The following PLEKHH1 variants were observed in gnomAD, a reference collection of about 807,000 sequenced individuals.
The protein encoded by PLEKHH1 is pleckstrin homology, MyTH4 and FERM domain containing H1.
In PLEKHH1, 104 loss-of-function variants were observed where a neutral mutation model predicts 160.0. The ratio of observed to expected loss-of-function variants is 0.65; its 90% CI spans 0.55 to 0.76. The LOEUF (loss-of-function observed/expected upper bound fraction) is 0.76. Ranked by LOEUF, PLEKHH1 falls within the 30% of genes least tolerant of loss-of-function variation. The pLI is 0.00. For synonymous variants in PLEKHH1, 619 were observed against 678.4 expected (o/e 0.91, Z 1.36); for missense variants, 1,427 against 1,724.1 (o/e 0.83, Z 3.05).
intron 2 of PLEKHH1, 84 bp downstream of exon 2, chr14:67,542,077 G>A: frequency 7.8e-7 from 1 of 1,285,604 alleles, no homozygotes; most frequent in East Asian, 2.7e-5. Flanking sequence ...GAGAGTTGCG[G>A]AAAGTCAACT....
In PLEKHH1 at chr14:67,562,609, GT is replaced by G. The variant is rs1224678901; in HGVS notation, c.980del (p.Leu327TrpfsTer20). 6.2e-7 allele frequency: 1 copy of G among 1,612,930 alleles called. No homozygotes were observed. Reference sequence around the variant, plus strand: ...CTGGCACCCCGCGGGACAGCATCCAGTTGGCCAAAAGGCACCACAGCCAGCC... The same window carrying G: ...CTGGCACCCCGCGGGACAGCATCCAGTGGCCAAAAGGCACCACAGCCAGCC... ...APGTPRDSIQ[L>X]AKRHHSQPQV... On this transcript the variant is annotated frameshift_variant, in exon 7 of 29. Transcript: ENST00000329153. LOFTEE classifies it high-confidence loss of function.
At chr14:67,586,268 A>C (rs2036157252) in intron 28 of PLEKHH1, 171 bp downstream of exon 28, 3 of 1,087,008 alleles carry the variant, frequency 2.8e-6, no homozygotes, top group Middle Eastern at 2.0e-4. Flanking sequence ...GCATCTCCGT[A>C]TCAATGTTCA....
chr14:67,539,463 T>C, intron 1 of PLEKHH1, among the ~76,000 whole-genome samples: 1 of 152,176 alleles, frequency 6.6e-6, no homozygotes, highest in Non-Finnish European at 1.5e-5. Context: ...TTGTTGGGCC[T>C]TTCTCTGCAG....
Position 67,587,482 on chromosome 14 carries a change from C to A in PLEKHH1, c.*247C>A. The A allele has an allele frequency of 1.9e-6, 1 of 526,644 alleles. No homozygotes were observed. The highest frequency in any genetic ancestry group is 3.2e-5 in the Admixed American group (1 of 31,298). The allele number at this position is 526,644 out of a possible 1,614,324, so 32.6% of individuals were successfully genotyped here. The stretch of plus-strand genomic sequence containing the variant: ...CCTTTTTTCATAAGAATAATGACTC[C>A]AGATGCTACCTGATTCTAGACATAG... On this transcript the variant is annotated 3_prime_UTR_variant, in exon 29 of 29. Transcript: ENST00000329153.
Position 67,569,205 on chromosome 14 carries a change from C to T in PLEKHH1, c.1331C>T (p.Thr444Ile). 1 of 1,610,700 alleles carries T rather than the reference C, an allele frequency of 6.2e-7. No individual in the cohort carries two copies. The stretch of plus-strand genomic sequence containing the variant: ...TCAGATATGTCTCCCAGAAGTAATA[C>T]TGCATGCTGCGGTGAGTTCCAAGTG... The part of the protein sequence containing the change: ...RLSDMSPRSN[T>I]ACCASSPPAL... The change falls in exon 8 of 29, where the codon ACT becomes ATT. Residue 444 changes from threonine to isoleucine, a missense_variant. Transcript: ENST00000329153.
chr14:67,557,005 T>C (rs1448491078), intron 3 of PLEKHH1, among the ~76,000 whole-genome samples: 10 of 152,228 alleles, frequency 6.6e-5, no homozygotes, highest in Non-Finnish European at 4.4e-5. Flanking sequence ...CTTTTTCCAC[T>C]TATCGTCTCC....
Position 67,573,407 on chromosome 14 carries a change from C to A in PLEKHH1, c.1839+21C>A. On this transcript the variant is annotated intron_variant, in intron 12 of 28. Transcript: ENST00000329153. This position sits in a 1 kb window ranked among gnomAD's most constrained non-coding sequence, Gnocchi z 4.8. ...CCCCGGTGAGAGTCTCCCCGCCCAGCACTGCAGTCAAAAGGTCTCCACATC... is the reference window on the plus strand; with the variant it reads ...CCCCGGTGAGAGTCTCCCCGCCCAGAACTGCAGTCAAAAGGTCTCCACATC... The A allele has an allele frequency of 1.4e-6, 2 of 1,399,370 alleles. No individual in the cohort carries two copies. The highest frequency in any genetic ancestry group is 2.0e-6 in the Non-Finnish European group (2 of 984,544). 86.7% of individuals were successfully genotyped at this position (1,399,370 alleles called of 1,614,324 possible).
At chr14:67,567,629 G>A (rs2035169823) in intron 7 of PLEKHH1, among the ~76,000 whole-genome samples, 1 of 152,042 alleles carries the variant, frequency 6.6e-6, no homozygotes, top group Admixed American at 6.5e-5. Flanking sequence ...CCCCTCCAGT[G>A]ATCTCAGCGT....
chr14:67,577,783 GA>G (rs1184059564), intron 18 of PLEKHH1, among the ~76,000 whole-genome samples: 4 of 152,086 alleles, frequency 2.6e-5, no homozygotes, highest in Non-Finnish European at 4.4e-5. Context: ...TTTTTTTAAG[GA>G]ATTTGTCTTG....
chr14:67,588,054 A>T lies in PLEKHH1; in HGVS notation c.*819A>T, dbSNP rs767519612. ...AGACTCATTTTTCCCCATTATTGGT[A>T]TGTAGGCATTGGTACAGCCCCTTCT... On this transcript the variant is annotated 3_prime_UTR_variant, in exon 29 of 29. Transcript: ENST00000329153. The T allele has an allele frequency of 6.6e-6, 1 of 152,610 alleles. No individual in the cohort carries two copies. Among genetic ancestry groups the T allele is most frequent in the Non-Finnish European group, 1.5e-5 (1 of 68,052 alleles). The allele number at this position is 152,610 out of a possible 1,614,324, so 9.5% of individuals were successfully genotyped here.
Position 67,573,453 on chromosome 14 carries a change from T to C in PLEKHH1, c.1839+67T>C, listed in dbSNP as rs2035480576. On this transcript the variant is annotated intron_variant, in intron 12 of 28. Transcript: ENST00000329153. This position sits in a 1 kb window ranked among gnomAD's most constrained non-coding sequence, Gnocchi z 4.8. ...ACATCACACCCTGGACTATGTCAGA[T>C]GGGACGGAGGAGGGGGAATGTGGCC... 1.9e-6 allele frequency: 2 copies of C among 1,057,824 alleles called. No individual in the cohort carries two copies. The highest frequency in any genetic ancestry group is 3.1e-5 in the African/African-American group (2 of 64,426). 65.5% of individuals were successfully genotyped at this position (1,057,824 alleles called of 1,614,324 possible). A position where few individuals can be genotyped will look rare whatever the true frequency, so the allele number is the denominator to read the frequency against.
Position 67,557,337 on chromosome 14 carries a change from C to T in PLEKHH1, c.258C>T (p.His86=). Reference sequence around the variant, plus strand: ...ATGTGGACTCTGAGGGGAGCCTGCACCGGAAATACCAAGAATTGCTGAAAG... The same window carrying T: ...ATGTGGACTCTGAGGGGAGCCTGCATCGGAAATACCAAGAATTGCTGAAAG... The part of the protein sequence containing the change: ...LKNVDSEGSL[H]RKYQELLKAI... The change falls in exon 4 of 29, where the codon CAC becomes CAT. Residue 86 remains histidine, a synonymous_variant. Coordinates refer to ENST00000329153, the MANE Select transcript of PLEKHH1 (RefSeq NM_020715.3). 2 of 1,613,794 alleles carry T rather than the reference C, an allele frequency of 1.2e-6. No individual in the cohort carries two copies. The highest frequency in any genetic ancestry group is 1.1e-5 in the South Asian group (1 of 91,078).
chr14:67,579,283 C>A lies in PLEKHH1; in HGVS notation c.2999C>A (p.Pro1000His). ...PFHHSLPFSI[P>H]VHFTNGTYHV... is the part of the protein sequence containing the mutation. The stretch of plus-strand genomic sequence containing the variant: ...CACCACTCCTTGCCCTTCAGCATCC[C>A]CGTGCACTTTACCAACGGGACTTAC... The change falls in exon 21 of 29, where the codon CCC (proline) becomes CAC (histidine). Residue 1000 changes from proline (P) to histidine (H), a missense_variant. Pro to His is a moderately conservative substitution (Grantham distance 77). This residue lies in a region of PLEKHH1 where 436 missense variants were observed against 607.5 expected (regional missense o/e 0.72). Coordinates refer to ENST00000329153, the MANE Select transcript of PLEKHH1 (RefSeq NM_020715.3). 1 of 1,565,626 alleles carries A rather than the reference C, an allele frequency of 6.4e-7. No individual in the cohort carries two copies. The highest frequency in any genetic ancestry group is 2.3e-5 in the East Asian group (1 of 43,494).
At chr14:67,561,212 T>C (rs986835236) in intron 5 of PLEKHH1, among the ~76,000 whole-genome samples, 2 of 152,092 alleles carry the variant, frequency 1.3e-5, no homozygotes, top group Non-Finnish European at 2.9e-5. Context: ...GTCCCAACCC[T>C]TGCTAAAAGA....
chr14:67,555,836 G>A lies in PLEKHH1; in HGVS notation c.138G>A (p.Leu46=). Residue 46 remains leucine (L), a synonymous_variant, in exon 3 of 29, where the codon CTG becomes CTA. Coordinates refer to ENST00000329153, the MANE Select transcript of PLEKHH1 (RefSeq NM_020715.3). The part of the protein sequence containing the change: ...RELLADKMQE[L]EQRLLEAEQR... ...CTCTGGCCAAGCAGATGCAGGAGCT[G>A]GAGCAGAGGCTGCTGGAGGCAGAGC... 1.5e-5 allele frequency: 24 copies of A among 1,613,408 alleles called. No homozygotes were observed. Among genetic ancestry groups the A allele is most frequent in the Non-Finnish European group, 2.0e-5 (24 of 1,179,558 alleles).
Position 67,562,164 on chromosome 14 carries a change from T to A in PLEKHH1, c.533T>A (p.Leu178Gln), listed in dbSNP as rs764193995. The A allele has an allele frequency of 3.1e-6, 5 of 1,611,318 alleles. No individual in the cohort carries two copies. The highest frequency in any genetic ancestry group is 2.7e-5 in the African/African-American group (2 of 74,858). The change falls in exon 7 of 29, where the codon CTG (leucine) becomes CAG (glutamine). Residue 178 changes from leucine (L) to glutamine (Q), a missense_variant. Coordinates refer to ENST00000329153, the MANE Select transcript of PLEKHH1 (RefSeq NM_020715.3). ...ATTCAGATAGCTCCTTCACGGAAGC[T>A]GCTGGTGCCCCCCTACGGAGCTGCA... The part of the protein sequence containing the change: ...EAIQIAPSRK[L>Q]LVPPYGAAEQ...
In PLEKHH1 at chr14:67,573,507, T is replaced by C; in HGVS notation, c.1839+121T>C. Reference sequence around the variant, plus strand: ...GGCCAGAGGGCAAAGGTCTGGCAGGTGGGGAGAGGCAACCTCACTGGGCCC... The same window carrying C: ...GGCCAGAGGGCAAAGGTCTGGCAGGCGGGGAGAGGCAACCTCACTGGGCCC... On this transcript the variant is annotated intron_variant, in intron 12 of 28. Transcript: ENST00000329153. This position sits in a 1 kb window ranked among gnomAD's most constrained non-coding sequence, Gnocchi z 4.8. 1 of 708,230 alleles carries C rather than the reference T, an allele frequency of 1.4e-6. No homozygotes were observed. Among genetic ancestry groups the C allele is most frequent in the Non-Finnish European group, 2.4e-6 (1 of 418,686 alleles). The allele number at this position is 708,230 out of a possible 1,614,324, so 43.9% of individuals were successfully genotyped here.
intron 1 of PLEKHH1, among the ~76,000 whole-genome samples, chr14:67,539,127 T>G (rs1472547319): frequency 1.3e-5 from 2 of 152,236 alleles, no homozygotes; most frequent in Non-Finnish European, 2.9e-5. Flanking sequence ...GTCTCAGATC[T>G]GCCACTTTTC....
intron 5 of PLEKHH1, among the ~76,000 whole-genome samples, chr14:67,560,626 T>G (rs1192218377): frequency 1.3e-5 from 2 of 152,026 alleles, no homozygotes; most frequent in African/African-American, 4.8e-5. Context: ...TTTAGGAAAC[T>G]CAGGACTTGA....
Sources: gnomAD v4.1 joint callset for allele counts (sites outside exome capture counted in the v4.1 genomes callset) on GRCh38, gnomAD v4.1.1 for gene constraint, gnomAD v4.1.1 regional missense constraint, Gnocchi (gnomAD v3.1) non-coding constraint, MANE v1.5 for transcripts, NCBI Gene and HGNC (gene_info 2026-07-23, HGNC 2026-07-21) for gene names.